Variants in BSN observed in about 807,000 individuals in gnomAD.
BSN encodes bassoon presynaptic cytomatrix protein.
A neutral mutation model predicts 264.8 loss-of-function variants in BSN; 57 were observed. That is an observed-to-expected ratio of 0.22 (90% CI 0.17 to 0.27). The LOEUF (loss-of-function observed/expected upper bound fraction) is 0.27, where lower values mean the gene tolerates loss of function less well. BSN is among the 10% of genes least tolerant of loss of function. The pLI is 1.00. For missense variants in BSN, 4,615 were observed against 5,232.5 expected, an observed-to-expected ratio of 0.88 and a Z score of 3.64; for synonymous variants, 2,059 against 2,137.3, an observed-to-expected ratio of 0.96 and a Z score of 1.01.
rs1336158718 is a variant in BSN at position 49,657,904 on chromosome 3, T to G, written c.8348T>G (p.Val2783Gly). Residue 2783 changes from valine (V) to glycine (G), a missense_variant, in exon 5 of 12, where the codon GTG becomes GGG. Val to Gly is a moderately radical substitution (Grantham distance 109, BLOSUM62 -3). Transcript: ENST00000296452. ...CCTCCGGAGTCTCTCTCACAGCTTGTGAGCCGCCAGCCTCCCAAGTCCCCT... is the reference window on the plus strand; with the variant it reads ...CCTCCGGAGTCTCTCTCACAGCTTGGGAGCCGCCAGCCTCCCAAGTCCCCT... ...HLPPESLSQL[V>G]SRQPPKSPQV... The G allele has an allele frequency of 1.2e-6, 2 of 1,613,626 alleles. No homozygotes were observed. Among genetic ancestry groups the G allele is most frequent in the Non-Finnish European group, 1.7e-6 (2 of 1,179,912 alleles).
intron 1 of BSN, among the ~76,000 whole-genome samples, chr3:49,576,614 G>T (rs2051847096): frequency 6.6e-6 from 1 of 151,946 alleles, no homozygotes; most frequent in Non-Finnish European, 1.5e-5. Flanking sequence ...TAGAGATGGG[G>T]TTTCACCATG....
Position 49,655,107 on chromosome 3 carries a change from T to C in BSN, c.5551T>C (p.Ser1851Pro). The change falls in exon 5 of 12, where the codon TCA becomes CCA. Residue 1851 changes from serine to proline, a missense_variant. Coordinates refer to ENST00000296452, the MANE Select transcript of BSN (RefSeq NM_003458.4). ...PHRATPAELR[S>P]HALPGARKPH... The stretch of plus-strand genomic sequence containing the variant: ...CCGGGCCACCCCTGCAGAGCTGCGG[T>C]CACATGCTCTGCCAGGTGCCAGGAA... 1 of 1,612,592 alleles carries C rather than the reference T, an allele frequency of 6.2e-7. No homozygotes were observed. Among genetic ancestry groups the C allele is most frequent in the African/African-American group, 1.3e-5 (1 of 75,028 alleles).
rs759985502 is a variant in BSN, at chr3:49,662,590, G to A, written c.10717+28G>A. Reference sequence around the variant, plus strand: ...AATGGCAGCCAGGGGTGATTTCTGCGGATACTCAGCAGCTGGGGGGCCTGC... The same window carrying A: ...AATGGCAGCCAGGGGTGATTTCTGCAGATACTCAGCAGCTGGGGGGCCTGC... On this transcript the variant is annotated intron_variant, in intron 6 of 11. Transcript: ENST00000296452. 42 of 1,556,756 alleles carry A rather than the reference G, an allele frequency of 2.7e-5. 1 individual carries two copies. The South Asian group carries it at 2.7e-4, about 10-fold the overall frequency.
intron 3 of BSN, among the ~76,000 whole-genome samples, chr3:49,645,628 G>A (rs2052499193): frequency 6.6e-6 from 1 of 152,202 alleles, no homozygotes; most frequent in Non-Finnish European, 1.5e-5. Context: ...GTGCTGATAT[G>A]TTCACCATCC....
At chr3:49,613,298 C>T (rs1021503110) in intron 1 of BSN, among the ~76,000 whole-genome samples, 34 of 25,700 alleles carry the variant, frequency 1.3e-3, no homozygotes, top group Admixed American at 5.1e-3. Context: ...TATACACACA[C>T]AGAGCGAGAG....
intron 1 of BSN, among the ~76,000 whole-genome samples, chr3:49,580,661 A>G (rs1297958862): frequency 1.3e-5 from 2 of 152,040 alleles, no homozygotes; most frequent in East Asian, 1.9e-4. Flanking sequence ...GTTTTACTAT[A>G]TAGTCTAGAC....
At chr3:49,613,184 A>G (rs564824609) in intron 1 of BSN, among the ~76,000 whole-genome samples, 1 of 152,132 alleles carries the variant, frequency 6.6e-6, no homozygotes, top group African/African-American at 2.4e-5. Context: ...ATTTTGAAAA[A>G]CACACATATT....
intron 1 of BSN, among the ~76,000 whole-genome samples, chr3:49,612,711 G>A (rs1175916669): frequency 6.6e-6 from 1 of 152,084 alleles, no homozygotes; most frequent in Non-Finnish European, 1.5e-5. Flanking sequence ...AAAAACAAAG[G>A]AAATTCAAAA....
In BSN at chr3:49,642,194, G is replaced by A; in HGVS notation, c.634-74G>A. The A allele has an allele frequency of 8.1e-7, 1 of 1,233,104 alleles. No individual in the cohort carries two copies. Among genetic ancestry groups the A allele is most frequent in the East Asian group, 2.9e-5 (1 of 34,724 alleles). The allele number at this position is 1,233,104 out of a possible 1,614,324, so 76.4% of individuals were successfully genotyped here. On this transcript the variant is annotated intron_variant, in intron 2 of 11. Coordinates refer to ENST00000296452, the MANE Select transcript of BSN (RefSeq NM_003458.4). This position sits in a 1 kb window ranked among gnomAD's most constrained non-coding sequence, Gnocchi z 7.0. ...GCTAGGAGTGGCCTTGGCTGCTGTG[G>A]GGCCTGCACTGACCTGGGCCATGAG...
chr3:49,575,028 T>A (rs1481233254), intron 1 of BSN, among the ~76,000 whole-genome samples: 1 of 152,146 alleles, frequency 6.6e-6, no homozygotes, highest in African/African-American at 2.4e-5. Context: ...TGGAATTTTT[T>A]CTTTTGGCTT....
chr3:49,562,957 C>A (rs1323414792), intron 1 of BSN, among the ~76,000 whole-genome samples: 1 of 152,260 alleles, frequency 6.6e-6, no homozygotes, highest in Admixed American at 6.5e-5. Context: ...AGAGATTTAA[C>A]TAGATGATCT....
chr3:49,582,743 T>G (rs1429500683), intron 1 of BSN, among the ~76,000 whole-genome samples: 1 of 152,140 alleles, frequency 6.6e-6, no homozygotes, highest in East Asian at 1.9e-4. Context: ...AGGGAAAGCT[T>G]CTAATTTTTC....
chr3:49,656,520 G>A lies in BSN; in HGVS notation c.6964G>A (p.Ala2322Thr). Reference sequence around the variant, plus strand: ...AACCACCCCTGCTGCCATCAAGGAGGCTGCAGGAGCCCCAGCTCCTGCCCC... The same window carrying A: ...AACCACCCCTGCTGCCATCAAGGAGACTGCAGGAGCCCCAGCTCCTGCCCC... ...PTTTPAAIKE[A>T]AGAPAPAPLA... The change falls in exon 5 of 12, where the codon GCT becomes ACT. Residue 2322 changes from alanine (A) to threonine (T), a missense_variant. By Grantham distance (58) the Ala-to-Thr change is moderately conservative. This residue lies in a region of BSN where 3,415 missense variants were observed against 3,866.4 expected (regional missense o/e 0.88). Transcript: ENST00000296452. 2 of 1,575,816 alleles carry A rather than the reference G, an allele frequency of 1.3e-6. No homozygotes were observed. Among genetic ancestry groups the A allele is most frequent in the East Asian group, 2.3e-5 (1 of 44,346 alleles).
At position 49,573,402 on chromosome 3, in the gene BSN, T is replaced by G. The variant is rs891468050; in HGVS notation, c.224+18576T>G. Among the ~76,000 whole-genome samples the G allele has an allele frequency of 3.9e-5, 6 of 152,220 alleles. No homozygotes were observed. The South Asian group carries it at 1.2e-3, about 32-fold the overall frequency. The stretch of plus-strand genomic sequence containing the variant: ...TGGAGGGGAGCAAAGGGACATGTTC[T>G]GGCAATGGTACACACAGCCTACTTC... On this transcript the variant is annotated intron_variant, in intron 1 of 11. Coordinates refer to ENST00000296452, the MANE Select transcript of BSN (RefSeq NM_003458.4).
At position 49,656,020 on chromosome 3, in the gene BSN, C is replaced by T. The variant is rs1413734568; in HGVS notation, c.6464C>T (p.Pro2155Leu). The T allele has an allele frequency of 6.2e-7, 1 of 1,602,212 alleles. No individual in the cohort carries two copies. Among genetic ancestry groups the T allele is most frequent in the Non-Finnish European group, 8.5e-7 (1 of 1,174,016 alleles). Residue 2155 changes from proline (P) to leucine (L), a missense_variant, in exon 5 of 12, where the codon CCA becomes CTA. Transcript: ENST00000296452. Reference sequence around the variant, plus strand: ...GGACTCCTTGGTAACCCCACCTTTCCAGAGGGCCACCCAAGTCCTGGGAAC... The same window carrying T: ...GGACTCCTTGGTAACCCCACCTTTCTAGAGGGCCACCCAAGTCCTGGGAAC... ...RPGLLGNPTFPEGHPSPGNLA... is the reference protein window; with the variant it reads ...RPGLLGNPTFLEGHPSPGNLA...
chr3:49,654,816 C>T lies in BSN; in HGVS notation c.5260C>T (p.Pro1754Ser). Residue 1754 changes from proline to serine, a missense_variant, in exon 5 of 12, where the codon CCC (proline) becomes TCC (serine). This residue lies in a region of BSN where 3,415 missense variants were observed against 3,866.4 expected (regional missense o/e 0.88). Transcript: ENST00000296452. The surrounding 1 kb of genome is among the most constrained non-coding windows in gnomAD (Gnocchi z 4.1). ...AAAGCAGCCTGTGGTCTATGGAGACCCCTACCAGAGCCGCCTTGACTTTGG... is the reference window on the plus strand; with the variant it reads ...AAAGCAGCCTGTGGTCTATGGAGACTCCTACCAGAGCCGCCTTGACTTTGG... The part of the protein sequence containing the change: ...QQKQPVVYGD[P>S]YQSRLDFGQG... 1 of 1,613,494 alleles carries T rather than the reference C, an allele frequency of 6.2e-7. No homozygotes were observed. The highest frequency in any genetic ancestry group is 1.1e-5 in the South Asian group (1 of 91,052).
chr3:49,566,885 A>G (rs2051756044), intron 1 of BSN, among the ~76,000 whole-genome samples: 1 of 151,150 alleles, frequency 6.6e-6, no homozygotes, highest in Non-Finnish European at 1.5e-5. Flanking sequence ...TGCCTGATGA[A>G]TTTAGCATTC....
At position 49,638,397 on chromosome 3, in the gene BSN, G is replaced by T. The variant is rs1325925635; in HGVS notation, c.634-3871G>T. Among the ~76,000 whole-genome samples, 1 of 152,210 alleles carries T rather than the reference G, an allele frequency of 6.6e-6. No homozygotes were observed. The highest frequency in any genetic ancestry group is 6.5e-5 in the Admixed American group (1 of 15,290). ...CCCTGAGTGTGGGGATAGGGGCCTTGCAGTATGGAGGAAGAGACTGAGGTT... is the reference window on the plus strand; with the variant it reads ...CCCTGAGTGTGGGGATAGGGGCCTTTCAGTATGGAGGAAGAGACTGAGGTT... On this transcript the variant is annotated intron_variant, in intron 2 of 11. Coordinates refer to ENST00000296452, the MANE Select transcript of BSN (RefSeq NM_003458.4). This position sits in a 1 kb window ranked among gnomAD's most constrained non-coding sequence, Gnocchi z 4.3.
Position 49,652,411 on chromosome 3 carries a change from C to T in BSN, c.2855C>T (p.Pro952Leu), listed in dbSNP as rs2052550944. 2 of 1,611,364 alleles carry T rather than the reference C, an allele frequency of 1.2e-6. No individual in the cohort carries two copies. The highest frequency in any genetic ancestry group is 1.7e-6 in the Non-Finnish European group (2 of 1,178,720). ...CATGAGTTGGACCTGGGCCAAGGCC[C>T]AGACCCCAGTCTGGACCGGGAGCCT... is the stretch of plus-strand genomic sequence containing the variant. ...YGHELDLGQG[P>L]DPSLDREPEL... The change falls in exon 5 of 12, where the codon CCA becomes CTA. Residue 952 changes from proline (P) to leucine (L), a missense_variant. This residue lies in a region of BSN where 1,197 missense variants were observed against 1,348.0 expected (regional missense o/e 0.89). Transcript: ENST00000296452.
Sources: gnomAD v4.1 joint callset for allele counts (sites outside exome capture counted in the v4.1 genomes callset) on GRCh38, gnomAD v4.1.1 for gene constraint, gnomAD v4.1.1 regional missense constraint, Gnocchi (gnomAD v3.1) non-coding constraint, MANE v1.5 for transcripts, NCBI Gene and HGNC (gene_info 2026-07-23, HGNC 2026-07-21) for gene names.